Variants in MAGEC3 observed in about 807,000 individuals in gnomAD.
MAGEC3 encodes the protein MAGE family member C3.
MAGEC3 carries 34 observed loss-of-function variants against 35.3 expected under a neutral mutation model. The ratio of observed to expected loss-of-function variants is 0.96; its 90% confidence interval spans 0.73 to 1.28. The LOEUF is 1.28. MAGEC3 is among the 50% of genes most tolerant of loss of function. The pLI is 0.00. For synonymous variants in MAGEC3, 202 were observed against 185.6 expected, an observed-to-expected ratio of 1.09 and a Z score of -0.72; for missense variants, 561 against 483.6, an observed-to-expected ratio of 1.16 and a Z score of -1.50.
At chrX:141,892,940 A>G (rs1378385741) in intron 4 of MAGEC3, among the ~76,000 whole-genome samples, 4 of 112,095 alleles carry the variant, frequency 3.6e-5, no homozygotes, top group Non-Finnish European at 7.5e-5. Context: ...TTTGTGAAAC[A>G]CATATCTGAT....
intron 4 of MAGEC3, among the ~76,000 whole-genome samples, chrX:141,883,190 A>C (rs1190899309): frequency 8.9e-6 from 1 of 112,148 alleles, no homozygotes; most frequent in Non-Finnish European, 1.9e-5. Flanking sequence ...TAAGGCGATA[A>C]TTCCTTGAAA....
At chrX:141,870,545 T>C (rs986826045) in intron 2 of MAGEC3, among the ~76,000 whole-genome samples, 17 of 112,056 alleles carry the variant, frequency 1.5e-4, no homozygotes, top group Admixed American at 4.7e-4. Context: ...GCTGAAACCA[T>C]TCACTTTATT....
chrX:141,838,597 T>C (rs1287935296), intron 1 of MAGEC3, 159 bp downstream of exon 1: 2 of 724,598 alleles, frequency 2.8e-6, no homozygotes, highest in East Asian at 3.1e-4. Context: ...GTTCATGTCT[T>C]TCCCTTGGTT....
intron 4 of MAGEC3, among the ~76,000 whole-genome samples, chrX:141,888,139 G>A (rs2018015612): frequency 8.9e-6 from 1 of 112,129 alleles, no homozygotes; most frequent in African/African-American, 3.2e-5. Context: ...CTCCACCCCT[G>A]CCACCCTGCC....
intron 4 of MAGEC3, among the ~76,000 whole-genome samples, chrX:141,888,201 G>A (rs2018016106): frequency 1.8e-5 from 2 of 112,011 alleles, no homozygotes; most frequent in African/African-American, 6.5e-5. Context: ...CCTATGATCA[G>A]TTGATGGAGG....
intron 1 of MAGEC3, among the ~76,000 whole-genome samples, chrX:141,853,252 A>G (rs771661946): frequency 9.0e-6 from 1 of 111,521 alleles, no homozygotes; most frequent in South Asian, 3.7e-4. Context: ...TTCCTGGTCA[A>G]TCGTGCTCCA....
intron 3 of MAGEC3, among the ~76,000 whole-genome samples, chrX:141,879,949 C>T (rs2017949893): frequency 1.8e-5 from 2 of 111,213 alleles, no homozygotes; most frequent in Admixed American, 1.9e-4. Context: ...TTGAGAAGGA[C>T]AAGGGGAAAC....
intron 1 of MAGEC3, among the ~76,000 whole-genome samples, chrX:141,843,445 C>A (rs1405540177): frequency 2.7e-5 from 3 of 111,671 alleles, no homozygotes; most frequent in Admixed American, 1.9e-4. Context: ...TGTATTGTTT[C>A]TGACTTGAAT....
At chrX:141,838,704 T>C (rs970997467) in intron 1 of MAGEC3, 24 of 751,893 alleles carry the variant, frequency 3.2e-5, no homozygotes, top group Non-Finnish European at 3.6e-5. Flanking sequence ...CAGGACAGTA[T>C]GTAGTTCATC....
Position 141,897,756 on chromosome X carries a change from T to C in MAGEC3, c.1856T>C (p.Ile619Thr), listed in dbSNP as rs1218679111. The change falls in exon 8 of 8, where the codon ATT becomes ACT. Residue 619 changes from isoleucine to threonine, a missense_variant. Transcript: ENST00000298296. ...ATGGAAGACAGAGCCCAGGCCATAA[T>C]TGACACCACAGATGATGCTACTGCC... ...KDMEDRAQAI[I>T]DTTDDATAMA... 9.1e-6 allele frequency: 11 copies of C among 1,209,380 alleles called. No homozygotes were observed. Among genetic ancestry groups the C allele is most frequent in the East Asian group, 3.0e-5 (1 of 33,738 alleles).
In MAGEC3 at chrX:141,843,836, G is replaced by A. The variant is rs189097880; in HGVS notation, c.123+5398G>A. Among the ~76,000 whole-genome samples the A allele has an allele frequency of 2.1e-3, 231 of 110,690 alleles. 1 individual carries two copies. The highest frequency in any genetic ancestry group is 7.1e-3 in the African/African-American group (216 of 30,545). On this transcript the variant is annotated intron_variant, in intron 1 of 7. Coordinates refer to ENST00000298296, the MANE Select transcript of MAGEC3 (RefSeq NM_138702.1). ...GTATATATAAGTGCAATGTAAACAA[G>A]CAGACAGACACCTTCAGAAGTCTTA...
At chrX:141,867,539 C>T (rs1053269757) in intron 2 of MAGEC3, among the ~76,000 whole-genome samples, 1 of 111,859 alleles carries the variant, frequency 8.9e-6, no homozygotes, top group Non-Finnish European at 1.9e-5. Flanking sequence ...AACAAACAAA[C>T]GAAAAGAGTG....
chrX:141,895,804 G>C (rs73579868), intron 6 of MAGEC3, among the ~76,000 whole-genome samples: 3,852 of 109,888 alleles, frequency 0.035, 166 homozygotes, highest in African/African-American at 0.12. Flanking sequence ...AGCAGGGAGA[G>C]TTGCCTCCAG....
At chrX:141,874,353 G>GA (rs1181443636) in intron 2 of MAGEC3, among the ~76,000 whole-genome samples, 15 of 111,672 alleles carry the variant, frequency 1.3e-4, no homozygotes, top group Non-Finnish European at 1.1e-4. Flanking sequence ...ATCTGTGAAA[G>GA]AAAAAATTGA....
chrX:141,856,018 A>G (rs940093452), intron 1 of MAGEC3, among the ~76,000 whole-genome samples: 19 of 111,524 alleles, frequency 1.7e-4, no homozygotes, highest in African/African-American at 6.2e-4. Flanking sequence ...AGTACCCAAG[A>G]AAGGCTAAAG....
intron 2 of MAGEC3, among the ~76,000 whole-genome samples, chrX:141,878,625 G>A (rs1314805379): frequency 8.9e-6 from 1 of 112,204 alleles, no homozygotes; most frequent in African/African-American, 3.2e-5. Flanking sequence ...CATGAGAGGT[G>A]AAGGGACTCA....
At chrX:141,876,150 C>A (rs1322346485) in intron 2 of MAGEC3, among the ~76,000 whole-genome samples, 1 of 112,108 alleles carries the variant, frequency 8.9e-6, no homozygotes, top group Admixed American at 9.4e-5. Context: ...CTATTCCCAT[C>A]ACATTTGGGC....
At chrX:141,877,341 C>G (rs2124112363) in intron 2 of MAGEC3, among the ~76,000 whole-genome samples, 1 of 111,456 alleles carries the variant, frequency 9.0e-6, no homozygotes, top group Non-Finnish European at 1.9e-5. Context: ...AAATTATTTT[C>G]CTAAGATACT....
At chrX:141,858,803 T>C (rs2017797378) in intron 1 of MAGEC3, among the ~76,000 whole-genome samples, 2 of 110,967 alleles carry the variant, frequency 1.8e-5, no homozygotes, top group African/African-American at 6.5e-5. Context: ...TGTGTGTATG[T>C]ATATATATAA....
Sources: gnomAD v4.1 joint callset for allele counts (sites outside exome capture counted in the v4.1 genomes callset) on GRCh38, gnomAD v4.1.1 for gene constraint, MANE v1.5 for transcripts, NCBI Gene and HGNC (gene_info 2026-07-23, HGNC 2026-07-21) for gene names.